The following HCRTR2 variants were observed in gnomAD, a reference collection of about 807,000 sequenced individuals.
HCRTR2 encodes orexin receptor type 2.
In HCRTR2, 22 loss-of-function variants were observed where a neutral mutation model predicts 49.0. That is an observed-to-expected ratio of 0.45 (90% confidence interval 0.32 to 0.64). The LOEUF is 0.64. HCRTR2 is among the 30% of genes least tolerant of loss of function. HCRTR2 has a pLI of 0.04. For synonymous variants in HCRTR2, 236 were observed against 205.3 expected, an observed-to-expected ratio of 1.15 and a Z score of -1.28; for missense variants, 491 against 559.4, an observed-to-expected ratio of 0.88 and a Z score of 1.23.
chr6:55,239,627 T>C (rs1402280110), intron 1 of HCRTR2, among the ~76,000 whole-genome samples: 1 of 152,162 alleles, frequency 6.6e-6, no homozygotes, highest in African/African-American at 2.4e-5. Context: ...TTGACAAAAG[T>C]GAGAGCTTTT....
chr6:55,228,815 G>C (rs1283409525), intron 1 of HCRTR2, among the ~76,000 whole-genome samples: 1 of 152,058 alleles, frequency 6.6e-6, no homozygotes, highest in Non-Finnish European at 1.5e-5. Flanking sequence ...ACTTTTCAAG[G>C]TTTTTTAATC....
At chr6:55,113,725 A>C (rs1016154807) in intron 1 of HCRTR2, among the ~76,000 whole-genome samples, 8 of 152,144 alleles carry the variant, frequency 5.3e-5, no homozygotes, top group Non-Finnish European at 1.0e-4. Context: ...ACCACTATGG[A>C]AAACAGTGCA....
At chr6:55,210,408 C>T (rs1199393411) in intron 1 of HCRTR2, among the ~76,000 whole-genome samples, 1 of 152,096 alleles carries the variant, frequency 6.6e-6, no homozygotes, top group Non-Finnish European at 1.5e-5. Flanking sequence ...TGCTGTAATT[C>T]TAATCCTCAC....
chr6:55,129,023 C>A (rs1289375862), intron 1 of HCRTR2, among the ~76,000 whole-genome samples: 1 of 152,112 alleles, frequency 6.6e-6, no homozygotes, highest in East Asian at 1.9e-4. Context: ...TTCAACAATT[C>A]TGATCTTTGT....
chr6:55,272,543 T>C (rs1295631863), intron 4 of HCRTR2, among the ~76,000 whole-genome samples: 2 of 152,016 alleles, frequency 1.3e-5, no homozygotes, highest in African/African-American at 4.8e-5. Flanking sequence ...ATGTTTTCTT[T>C]TAAAAAGAAA....
chr6:55,154,021 C>G (rs1321398634), intron 1 of HCRTR2, among the ~76,000 whole-genome samples: 2 of 151,398 alleles, frequency 1.3e-5, no homozygotes, highest in African/African-American at 4.8e-5. Flanking sequence ...AATTGGACAA[C>G]CTAGAAAAAA....
chr6:55,176,253 T>A (rs1256295770), intron 1 of HCRTR2, among the ~76,000 whole-genome samples: 1 of 152,222 alleles, frequency 6.6e-6, no homozygotes, highest in East Asian at 1.9e-4. Flanking sequence ...AGAACTTTAG[T>A]ACATTTTTAA....
At chr6:55,128,206 C>T (rs147432671) in intron 1 of HCRTR2, among the ~76,000 whole-genome samples, 1,671 of 151,968 alleles carry the variant, frequency 0.011, 19 homozygotes, top group Non-Finnish European at 0.019. Context: ...TGCTTTTGTC[C>T]GGTTTGTCAA....
chr6:55,126,150 G>A (rs894662036), intron 1 of HCRTR2, among the ~76,000 whole-genome samples: 1 of 152,076 alleles, frequency 6.6e-6, no homozygotes, highest in Non-Finnish European at 1.5e-5. Context: ...GTCCAGTTTT[G>A]TTCCCTTGCT....
chr6:55,165,038 A>G (rs192938805), intron 1 of HCRTR2, among the ~76,000 whole-genome samples: 1 of 152,310 alleles, frequency 6.6e-6, no homozygotes, highest in Admixed American at 6.5e-5. Flanking sequence ...ATACAAAAGA[A>G]TGCATCTTAC....
At chr6:55,238,151 C>T (rs1181328105) in intron 1 of HCRTR2, among the ~76,000 whole-genome samples, 2 of 152,152 alleles carry the variant, frequency 1.3e-5, no homozygotes, top group Non-Finnish European at 2.9e-5. Flanking sequence ...CTTCTATCTA[C>T]TCTTACAAAG....
intron 5 of HCRTR2, among the ~76,000 whole-genome samples, chr6:55,277,989 A>T (rs889301236): frequency 1.3e-5 from 2 of 152,208 alleles, no homozygotes; most frequent in Non-Finnish European, 2.9e-5. Context: ...CAATTGTGAG[A>T]GAATTATATC....
intron 4 of HCRTR2, among the ~76,000 whole-genome samples, chr6:55,273,859 A>AAT (rs1018483225): frequency 3.3e-5 from 5 of 151,960 alleles, no homozygotes; most frequent in Non-Finnish European, 7.4e-5. Flanking sequence ...GTGAGTATCA[A>AAT]ATATATATAC....
intron 1 of HCRTR2, among the ~76,000 whole-genome samples, chr6:55,164,834 C>T (rs760405158): frequency 1.3e-5 from 2 of 151,684 alleles, no homozygotes; most frequent in Non-Finnish European, 2.9e-5. Flanking sequence ...TCACTGGAGA[C>T]CAATCCTGGA....
intron 1 of HCRTR2, among the ~76,000 whole-genome samples, chr6:55,211,784 A>C (rs1765699991): frequency 6.6e-6 from 1 of 152,128 alleles, no homozygotes; most frequent in African/African-American, 2.4e-5. Flanking sequence ...GCCTCAATTT[A>C]AACATCACTT....
At chr6:55,148,307 A>C (rs1764621240) in intron 1 of HCRTR2, among the ~76,000 whole-genome samples, 1 of 151,992 alleles carries the variant, frequency 6.6e-6, no homozygotes, top group Non-Finnish European at 1.5e-5. Flanking sequence ...ATCTCTTTTA[A>C]AAGTAAATGA....
At chr6:55,231,842 C>T (rs1040431967) in intron 1 of HCRTR2, among the ~76,000 whole-genome samples, 1 of 152,060 alleles carries the variant, frequency 6.6e-6, no homozygotes, top group African/African-American at 2.4e-5. Flanking sequence ...TGTTGTTGCT[C>T]TAAATTTAAT....
At chr6:55,201,442 A>T (rs911061182) in intron 1 of HCRTR2, among the ~76,000 whole-genome samples, 1 of 152,136 alleles carries the variant, frequency 6.6e-6, no homozygotes, top group African/African-American at 2.4e-5. Context: ...ATACTCATAT[A>T]TGTTCACTTC....
chr6:55,269,017 G>C (rs372159535), intron 4 of HCRTR2, among the ~76,000 whole-genome samples: 10 of 151,260 alleles, frequency 6.6e-5, no homozygotes, highest in African/African-American at 1.7e-4. Context: ...GTGAACCCGG[G>C]GGGTGGAGCC....
Sources: allele counts gnomAD v4.1 joint callset (sites outside exome capture counted in the v4.1 genomes callset), GRCh38; gene constraint gnomAD v4.1.1; transcripts MANE v1.5; gene names NCBI Gene and HGNC (gene_info 2026-07-23, HGNC 2026-07-21).